DUSP4: variants seen among roughly 807,000 people sequenced by gnomAD.
The protein encoded by DUSP4 is dual specificity phosphatase 4, also known as dual specificity protein phosphatase 4.
In DUSP4, 12 loss-of-function variants were observed where a neutral mutation model predicts 27.2. That is an observed-to-expected ratio of 0.44 (90% CI 0.28 to 0.71). The LOEUF (loss-of-function observed/expected upper bound fraction) is 0.71, where lower values mean the gene tolerates loss of function less well. Among genes scored for constraint, DUSP4 ranks in the 30% least tolerant of loss-of-function variants. The pLI is 0.14. For missense variants in DUSP4, 448 were observed against 551.3 expected (o/e 0.81, Z 1.88); for synonymous variants, 257 against 245.2 (o/e 1.05, Z -0.45).
At position 29,350,571 on chromosome 8, in the gene DUSP4, CTT is replaced by C. The variant is rs1331215346; in HGVS notation, c.-295_-294del. The stretch of plus-strand genomic sequence containing the variant: ...TGTTTACGAGAGAGGACCGCGGACT[CTT>C]TTCGGCGACGGCCTCCCGTGTATTT... On this transcript the variant is annotated 5_prime_UTR_variant, in exon 1 of 4. Transcript: ENST00000240100. 1.3e-5 allele frequency: 5 copies of C among 378,118 alleles called. No homozygotes were observed. The highest frequency in any genetic ancestry group is 1.4e-4 in the South Asian group (2 of 13,968). 23.4% of individuals were successfully genotyped at this position (378,118 alleles called of 1,614,324 possible). A position where few individuals can be genotyped will look rare whatever the true frequency, so the allele number is the denominator to read the frequency against.
In DUSP4 at chr8:29,340,109, G is replaced by A. The variant is rs534859932; in HGVS notation, c.568C>T (p.Leu190=). 6.3e-7 allele frequency: 1 copy of A among 1,576,858 alleles called. No homozygotes were observed. The highest frequency in any genetic ancestry group is 1.2e-5 in the South Asian group (1 of 86,376). The change falls in exon 2 of 4, where the codon CTA becomes TTA. Residue 190 remains leucine, a synonymous_variant. Coordinates refer to ENST00000240100, the MANE Select transcript of DUSP4 (RefSeq NM_001394.7). The part of the protein sequence containing the change: ...DLGCSSCGTP[L]HDQGGPVEIL... The stretch of plus-strand genomic sequence containing the variant: ...CCCCCCGAGTCTACCTGGTCGTGTA[G>A]TGGGGTCCCACAGGAGCTGCAGCCC...
chr8:29,346,007 C>T (rs1817729504), intron 1 of DUSP4: 2 of 986,956 alleles, frequency 2.0e-6, no homozygotes, highest in South Asian at 9.4e-5. Context: ...ATTGACATCC[C>T]CCAGAGCTGT....
intron 1 of DUSP4, among the ~76,000 whole-genome samples, chr8:29,341,651 G>C (rs1324748485): frequency 6.6e-6 from 1 of 152,178 alleles, no homozygotes; most frequent in Non-Finnish European, 1.5e-5. Context: ...CCTCGGTCAT[G>C]CTGGTGGCCT....
At chr8:29,345,674 C>T (rs13271770) in intron 1 of DUSP4, 58,000 of 1,429,888 alleles carry the variant, frequency 0.041, 1,340 homozygotes, top group Non-Finnish European at 0.047. Flanking sequence ...CTGAGCAGTC[C>T]ATTTTTGTGG....
intron 1 of DUSP4, among the ~76,000 whole-genome samples, chr8:29,344,323 T>C (rs1365701990): frequency 3.3e-5 from 5 of 152,236 alleles, no homozygotes; most frequent in African/African-American, 1.2e-4. Flanking sequence ...AAATGTGCCA[T>C]TCTGAATGAA....
At chr8:29,347,154 A>G (rs948114801) in intron 1 of DUSP4, among the ~76,000 whole-genome samples, 8 of 152,216 alleles carry the variant, frequency 5.3e-5, no homozygotes, top group African/African-American at 1.9e-4. Context: ...TTTGCTTCTC[A>G]AAATTCCCCT....
At chr8:29,347,870 G>C (rs1292895231) in intron 1 of DUSP4, 5 of 985,678 alleles carry the variant, frequency 5.1e-6, no homozygotes, top group Non-Finnish European at 6.0e-6. Flanking sequence ...GGGAAATGGA[G>C]GAGGTTGGGG....
At chr8:29,343,568 T>C (rs12679247) in intron 1 of DUSP4, among the ~76,000 whole-genome samples, 32,428 of 152,152 alleles carry the variant, frequency 0.21, 4,480 homozygotes, top group East Asian at 0.6. Context: ...CAGGGGGCAC[T>C]GCCTGCAGGT....
chr8:29,337,344 G>A lies in DUSP4; in HGVS notation c.867C>T (p.Thr289=). 1 of 1,611,816 alleles carries A rather than the reference G, an allele frequency of 6.2e-7. No individual in the cohort carries two copies. The highest frequency in any genetic ancestry group is 8.5e-7 in the Non-Finnish European group (1 of 1,179,984). ...HCQAGISRSA[T]ICLAYLMMKK... The stretch of plus-strand genomic sequence containing the variant: ...TCATCATCAGGTAGGCCAGGCAGAT[G>A]GTGGCCGACCGCGAGATGCCCGCCT... The change falls in exon 4 of 4, where the codon ACC becomes ACT. Residue 289 remains threonine (T), a synonymous_variant. Coordinates refer to ENST00000240100, the MANE Select transcript of DUSP4 (RefSeq NM_001394.7). The surrounding 1 kb of genome is among the most constrained non-coding windows in gnomAD (Gnocchi z 6.4).
At position 29,348,432 on chromosome 8, in the gene DUSP4, G is replaced by A. The variant is rs374739682; in HGVS notation, c.433+1414C>T. On this transcript the variant is annotated intron_variant, in intron 1 of 3. Transcript: ENST00000240100. ...TGGAGCGCTTTGGGGAGAAGGGAGG[G>A]GGACTGGGCTCATTTGGAGGAGCAA... The A allele has an allele frequency of 1.1e-4, 107 of 985,140 alleles. 1 individual carries two copies. The East Asian group carries it at 4.3e-3, about 39-fold the overall frequency. The allele number at this position is 985,140 out of a possible 1,614,324, so 61.0% of individuals were successfully genotyped here. A position where few individuals can be genotyped will look rare whatever the true frequency, so the allele number is the denominator to read the frequency against.
chr8:29,337,012 C>G lies in DUSP4; in HGVS notation c.*14G>C, dbSNP rs547113334. The G allele has an allele frequency of 2.7e-4, 419 of 1,571,758 alleles. No homozygotes were observed. The African/African-American group carries it at 5.3e-3, about 20-fold the overall frequency. On this transcript the variant is annotated 3_prime_UTR_variant, in exon 4 of 4. Coordinates refer to ENST00000240100, the MANE Select transcript of DUSP4 (RefSeq NM_001394.7). This position sits in a 1 kb window ranked among gnomAD's most constrained non-coding sequence, Gnocchi z 6.4. ...CTGGGAGCCAGCTCTGGTTCTGGGG[C>G]CCCCAGGGCGGCTCTAACAGCTGGG... is the stretch of plus-strand genomic sequence containing the variant.
Position 29,350,191 on chromosome 8 carries a change from C to G in DUSP4, c.88G>C (p.Gly30Arg), listed in dbSNP as rs750436757. The G allele has an allele frequency of 1.2e-6, 2 of 1,607,480 alleles. No homozygotes were observed. The highest frequency in any genetic ancestry group is 2.2e-5 in the South Asian group (2 of 90,854). ...CCCAGGGTGCCGTGGCTGCCGCTGCCGCCCGCGCCGCCGCCATTCTCGTCC... is the reference window on the plus strand; with the variant it reads ...CCCAGGGTGCCGTGGCTGCCGCTGCGGCCCGCGCCGCCGCCATTCTCGTCC... ...NRDENGGGAGGSGSHGTLGLP... is the reference protein window; with the variant it reads ...NRDENGGGAGRSGSHGTLGLP... Residue 30 changes from glycine to arginine, a missense_variant, in exon 1 of 4, where the codon GGC (glycine) becomes CGC (arginine). This residue lies in a region of DUSP4 where 345 missense variants were observed against 394.0 expected (regional missense o/e 0.88). Transcript: ENST00000240100.
In DUSP4 at chr8:29,350,100, T is replaced by C; in HGVS notation, c.179A>G (p.Tyr60Cys). The C allele has an allele frequency of 1.9e-6, 3 of 1,608,730 alleles. No homozygotes were observed. Among genetic ancestry groups the C allele is most frequent in the Admixed American group, 1.7e-5 (1 of 59,728 alleles). The change falls in exon 1 of 4, where the codon TAC becomes TGC. Residue 60 changes from tyrosine to cysteine, a missense_variant. Around this residue, in one of 3 missense-constraint regions of DUSP4, gnomAD observed 345 missense variants for 394.0 expected, o/e 0.88. Coordinates refer to ENST00000240100, the MANE Select transcript of DUSP4 (RefSeq NM_001394.7). ...GCGCACGTTGACCGAACCTAGGATG[T>C]AGCCCGCGCTGTGCGCCAGGAACGG... ...CRPFLAHSAG[Y>C]ILGSVNVRCN...
chr8:29,335,418 G>A lies in DUSP4; in HGVS notation c.*1608C>T, dbSNP rs1817558006. On this transcript the variant is annotated 3_prime_UTR_variant, in exon 4 of 4. Transcript: ENST00000240100. ...CCCCACCCTGGCGCTTTGATTTCCA[G>A]TTTGGGAAATTCATACCAATGGAAT... The A allele has an allele frequency of 2.0e-5, 3 of 152,356 alleles. No homozygotes were observed. The South Asian group carries it at 6.2e-4, about 32-fold the overall frequency. The allele number at this position is 152,356 out of a possible 1,614,324, so 9.4% of individuals were successfully genotyped here. A position where few individuals can be genotyped will look rare whatever the true frequency, so the allele number is the denominator to read the frequency against.
In DUSP4 at chr8:29,340,178, T is replaced by G. The variant is rs768921857; in HGVS notation, c.499A>C (p.Ile167Leu). ...FCSKTKALAA[I>L]PPPVPPSATE... ...GCACTGGGGGGAACCGGGGGTGGGA[T>G]GGCTGCCAGGGCCTTGGTTTTAGAA... Residue 167 changes from isoleucine (I) to leucine (L), a missense_variant, in exon 2 of 4, where the codon ATC becomes CTC. Physicochemically the swap from Ile to Leu is conservative, Grantham distance 5. Transcript: ENST00000240100. 2.5e-6 allele frequency: 4 copies of G among 1,613,150 alleles called. No homozygotes were observed. The Admixed American group carries it at 5.0e-5, about 20-fold the overall frequency.
intron 1 of DUSP4, chr8:29,348,778 T>G (rs1386703932): frequency 1.0e-6 from 1 of 985,106 alleles, no homozygotes; most frequent in East Asian, 1.1e-4. Flanking sequence ...GAGCGGCTCT[T>G]TGATGGGTGT....
rs756678785 is a variant in DUSP4 at position 29,337,128 on chromosome 8, G to C, written c.1083C>G (p.Thr361=). The C allele has an allele frequency of 6.2e-7, 1 of 1,611,218 alleles. No individual in the cohort carries two copies. Among genetic ancestry groups the C allele is most frequent in the South Asian group, 1.1e-5 (1 of 90,754 alleles). Residue 361 remains threonine (T), a synonymous_variant, in exon 4 of 4, where the codon ACC becomes ACG. Transcript: ENST00000240100. This position sits in a 1 kb window ranked among gnomAD's most constrained non-coding sequence, Gnocchi z 6.4. The part of the protein sequence containing the change: ...RERGKTPATP[T]SQFVFSFPVS... ...CCGGAAAGCTGAAGACGAACTGCGA[G>C]GTGGGGGTGGCGGGGGTCTTGCCCC... is the stretch of plus-strand genomic sequence containing the variant.
In DUSP4 at chr8:29,340,108, A is replaced by G; in HGVS notation, c.569T>C (p.Leu190Pro). 1 of 1,575,538 alleles carries G rather than the reference A, an allele frequency of 6.3e-7. No individual in the cohort carries two copies. Among genetic ancestry groups the G allele is most frequent in the Non-Finnish European group, 8.6e-7 (1 of 1,160,174 alleles). Reference protein sequence around the residue: ...DLGCSSCGTPLHDQGGPVEIL... With the variant: ...DLGCSSCGTPPHDQGGPVEIL... ...GCCCCCCGAGTCTACCTGGTCGTGTAGTGGGGTCCCACAGGAGCTGCAGCC... is the reference window on the plus strand; with the variant it reads ...GCCCCCCGAGTCTACCTGGTCGTGTGGTGGGGTCCCACAGGAGCTGCAGCC... Residue 190 changes from leucine to proline, a missense_variant, in exon 2 of 4, where the codon CTA becomes CCA. Coordinates refer to ENST00000240100, the MANE Select transcript of DUSP4 (RefSeq NM_001394.7).
chr8:29,338,428 T>C lies in DUSP4; in HGVS notation c.653A>G (p.Asp218Gly). The C allele has an allele frequency of 1.2e-6, 2 of 1,614,098 alleles. No homozygotes were observed. Among genetic ancestry groups the C allele is most frequent in the Non-Finnish European group, 1.7e-6 (2 of 1,180,018 alleles). ...CAACAGAGCCGTGATGCCCAGGGCGTCCAGCATGTCTCTCCGGGCAGCATG... is the reference window on the plus strand; with the variant it reads ...CAACAGAGCCGTGATGCCCAGGGCGCCCAGCATGTCTCTCCGGGCAGCATG... ...AYHAARRDML[D>G]ALGITALLNV... The change falls in exon 3 of 4, where the codon GAC (aspartate) becomes GGC (glycine). Residue 218 changes from aspartate (D) to glycine (G), a missense_variant. This residue lies in a region of DUSP4 where 345 missense variants were observed against 394.0 expected (regional missense o/e 0.88). Coordinates refer to ENST00000240100, the MANE Select transcript of DUSP4 (RefSeq NM_001394.7).
Sources: gnomAD v4.1 joint callset for allele counts (sites outside exome capture counted in the v4.1 genomes callset) on GRCh38, gnomAD v4.1.1 for gene constraint, gnomAD v4.1.1 regional missense constraint, Gnocchi (gnomAD v3.1) non-coding constraint, MANE v1.5 for transcripts, NCBI Gene and HGNC (gene_info 2026-07-23, HGNC 2026-07-21) for gene names.